The following KIAA0825 variants were observed in gnomAD, a reference collection of about 807,000 sequenced individuals.
KIAA0825 encodes the protein uncharacterized protein KIAA0825.
A neutral mutation model predicts 147.6 loss-of-function variants in KIAA0825; 119 were observed. The observed-to-expected ratio is 0.81, with a 90% confidence interval of 0.69 to 0.94. The LOEUF (loss-of-function observed/expected upper bound fraction) is 0.94, where lower values mean the gene tolerates loss of function less well. Among genes scored for constraint, KIAA0825 ranks in the 40% least tolerant of loss-of-function variants. The pLI, the probability that KIAA0825 is intolerant of heterozygous loss-of-function variation, is 0.00. For synonymous variants in KIAA0825, 470 were observed against 518.1 expected, an observed-to-expected ratio of 0.91 and a Z score of 1.26; for missense variants, 1,381 against 1,472.7, an observed-to-expected ratio of 0.94 and a Z score of 1.02.
chr5:94,296,718 C>A (rs925894376), intron 20 of KIAA0825, among the ~76,000 whole-genome samples: 38 of 152,252 alleles, frequency 2.5e-4, no homozygotes, highest in African/African-American at 8.4e-4. Flanking sequence ...TCTGCTTGCC[C>A]TCTCAGGGCT....
At chr5:94,259,331 C>T (rs557389469) in intron 20 of KIAA0825, among the ~76,000 whole-genome samples, 1 of 152,162 alleles carries the variant, frequency 6.6e-6, no homozygotes, top group East Asian at 1.9e-4. Context: ...TCAAGATTCA[C>T]ACTTTCAGTG....
intron 12 of KIAA0825, among the ~76,000 whole-genome samples, chr5:94,459,821 T>C (rs937412780): frequency 6.6e-6 from 1 of 152,144 alleles, no homozygotes; most frequent in Non-Finnish European, 1.5e-5. Flanking sequence ...CGGGTAAATA[T>C]AGATATAGAC....
intron 5 of KIAA0825, among the ~76,000 whole-genome samples, chr5:94,496,954 C>G (rs948143236): frequency 6.6e-6 from 1 of 152,202 alleles, no homozygotes; most frequent in Non-Finnish European, 1.5e-5. Context: ...AATCCCATGT[C>G]TCATTTGCTG....
At chr5:94,462,998 G>T (rs1257539894) in intron 11 of KIAA0825, among the ~76,000 whole-genome samples, 2 of 151,816 alleles carry the variant, frequency 1.3e-5, no homozygotes, top group African/African-American at 4.8e-5. Context: ...TATGTAAGCT[G>T]TCAAAAAAAG....
intron 20 of KIAA0825, among the ~76,000 whole-genome samples, chr5:94,274,074 C>T (rs750522073): frequency 2.0e-5 from 3 of 151,994 alleles, no homozygotes; most frequent in Non-Finnish European, 4.4e-5. Context: ...CAATATAGCT[C>T]AACTGAGAAA....
intron 1 of KIAA0825, among the ~76,000 whole-genome samples, chr5:94,612,560 T>C (rs1789165420): frequency 1.3e-5 from 2 of 152,138 alleles, no homozygotes; most frequent in East Asian, 1.9e-4. Flanking sequence ...CCAATAAACA[T>C]CTTGTACATC....
intron 2 of KIAA0825, among the ~76,000 whole-genome samples, chr5:94,564,891 CTCTTTTCTTTTCTTTTT>C (rs1584905237): frequency 1.3e-5 from 2 of 151,862 alleles, no homozygotes; most frequent in South Asian, 2.1e-4. Flanking sequence ...CTTTTATTTT[CTCTTTTCTTTTCTTTTT>C]TCTTTTCTTT....
chr5:94,479,730 T>C (rs1252861897), intron 6 of KIAA0825, among the ~76,000 whole-genome samples: 3 of 152,080 alleles, frequency 2.0e-5, no homozygotes, highest in Non-Finnish European at 4.4e-5. Context: ...TGAATGAGAG[T>C]TGTTCCACAT....
At chr5:94,286,370 T>C (rs1246144470) in intron 20 of KIAA0825, among the ~76,000 whole-genome samples, 1 of 152,096 alleles carries the variant, frequency 6.6e-6, no homozygotes, top group East Asian at 1.9e-4. Context: ...GGCAATCCCA[T>C]ACACACTTAT....
At chr5:94,342,820 A>T (rs1273835591) in intron 20 of KIAA0825, among the ~76,000 whole-genome samples, 1 of 152,136 alleles carries the variant, frequency 6.6e-6, no homozygotes, top group Non-Finnish European at 1.5e-5. Context: ...GCTAATAATT[A>T]AAAATGAATG....
At chr5:94,205,388 G>A (rs1020172728) in intron 20 of KIAA0825, among the ~76,000 whole-genome samples, 2 of 149,420 alleles carry the variant, frequency 1.3e-5, no homozygotes, top group East Asian at 4.0e-4. Flanking sequence ...TGCAACCTCC[G>A]CCTCCTGGGT....
intron 13 of KIAA0825, among the ~76,000 whole-genome samples, chr5:94,449,063 G>A (rs368590448): frequency 5.5e-4 from 84 of 152,184 alleles, no homozygotes; most frequent in African/African-American, 1.9e-3. Context: ...AACTTGCATG[G>A]AGAATTTAGA....
chr5:94,298,042 T>A (rs1584037203), intron 20 of KIAA0825, among the ~76,000 whole-genome samples: 1 of 148,388 alleles, frequency 6.7e-6, no homozygotes, highest in South Asian at 2.3e-4. Context: ...GTCAGGAGTT[T>A]GAGACCAGCC....
intron 13 of KIAA0825, among the ~76,000 whole-genome samples, chr5:94,443,681 T>C (rs1277271012): frequency 1.3e-5 from 2 of 152,168 alleles, no homozygotes; most frequent in Non-Finnish European, 2.9e-5. Flanking sequence ...TTTATGAAAA[T>C]TCATCAATTA....
At chr5:94,411,549 A>C (rs1752769972) in intron 15 of KIAA0825, among the ~76,000 whole-genome samples, 1 of 152,238 alleles carries the variant, frequency 6.6e-6, no homozygotes, top group Admixed American at 6.5e-5. Context: ...ATAGAACTAA[A>C]CATGACTAAA....
At chr5:94,406,473 T>C (rs1236690857) in intron 15 of KIAA0825, among the ~76,000 whole-genome samples, 1 of 152,230 alleles carries the variant, frequency 6.6e-6, no homozygotes, top group Non-Finnish European at 1.5e-5. Flanking sequence ...AATGAAGGCA[T>C]TGGCCTCCTC....
intron 20 of KIAA0825, among the ~76,000 whole-genome samples, chr5:94,367,569 T>G (rs1384148662): frequency 2.0e-5 from 3 of 152,074 alleles, no homozygotes; most frequent in African/African-American, 4.8e-5. Context: ...GAGAAAGGAT[T>G]TGAACCCTGT....
At position 94,317,278 on chromosome 5, in the gene KIAA0825, C is replaced by T. The variant is rs557895460; in HGVS notation, c.3710+67090G>A. On this transcript the variant is annotated intron_variant, in intron 20 of 20. Coordinates refer to ENST00000682413, the MANE Select transcript of KIAA0825 (RefSeq NM_001145678.3). ...ATAAGTGATGTTACATACGACTCACCAGAGTACCATATTACCATGCTGAGT... is the reference window on the plus strand; with the variant it reads ...ATAAGTGATGTTACATACGACTCACTAGAGTACCATATTACCATGCTGAGT... Among the ~76,000 whole-genome samples, 14 of 151,904 alleles carry T rather than the reference C, an allele frequency of 9.2e-5. No individual in the cohort carries two copies. In the South Asian group the frequency reaches 2.9e-3, roughly 31 times the overall value.
chr5:94,228,538 G>A (rs1368857073), intron 20 of KIAA0825, among the ~76,000 whole-genome samples: 1 of 152,160 alleles, frequency 6.6e-6, no homozygotes, highest in Admixed American at 6.6e-5. Flanking sequence ...ATGATTAGCT[G>A]CTTTTCCAGA....
Sources: gnomAD v4.1 joint callset for allele counts (sites outside exome capture counted in the v4.1 genomes callset) on GRCh38, gnomAD v4.1.1 for gene constraint, MANE v1.5 for transcripts, NCBI Gene and HGNC (gene_info 2026-07-23, HGNC 2026-07-21) for gene names.